Variants in EXOSC7 observed in about 807,000 individuals in gnomAD.
The protein encoded by EXOSC7 is exosome complex component RRP42.
Under a neutral mutation model 34.3 loss-of-function variants are expected in EXOSC7, and 25 were observed. The ratio of observed to expected loss-of-function variants is 0.73; its 90% CI spans 0.53 to 1.02. The LOEUF is 1.02. EXOSC7 is among the 50% of genes least tolerant of loss of function. The pLI, the probability that EXOSC7 is intolerant of heterozygous loss-of-function variation, is 0.00. For synonymous variants in EXOSC7, 130 were observed against 143.0 expected (o/e 0.91, Z 0.65); for missense variants, 370 against 368.5 (o/e 1.00, Z -0.03).
At chr3:45,002,844 A>G (rs1388991264) in intron 5 of EXOSC7, among the ~76,000 whole-genome samples, 4 of 152,136 alleles carry the variant, frequency 2.6e-5, no homozygotes, top group African/African-American at 9.7e-5. Context: ...TTGAAATGTG[A>G]GCCTGGCACT....
At chr3:45,002,073 G>A (rs1706897862) in intron 5 of EXOSC7, 1 of 153,288 alleles carries the variant, frequency 6.5e-6, no homozygotes, top group Non-Finnish European at 1.5e-5. Flanking sequence ...AGGGTAACAG[G>A]CTTCCCTTTG....
chr3:45,000,136 C>T (rs1401763980), intron 4 of EXOSC7, among the ~76,000 whole-genome samples: 2 of 152,152 alleles, frequency 1.3e-5, no homozygotes, highest in African/African-American at 4.8e-5. Flanking sequence ...CTTTATAGTT[C>T]TCTAATGGCA....
intron 1 of EXOSC7, among the ~76,000 whole-genome samples, chr3:44,983,885 G>A (rs1167624484): frequency 6.6e-6 from 1 of 152,062 alleles, no homozygotes; most frequent in Non-Finnish European, 1.5e-5. Context: ...AGTTGCCCTG[G>A]GTACAGTGAT....
chr3:45,008,427 A>G (rs576520082), intron 7 of EXOSC7, among the ~76,000 whole-genome samples: 3 of 152,356 alleles, frequency 2.0e-5, no homozygotes, highest in African/African-American at 7.2e-5. Context: ...CATGACATCT[A>G]CTTTCTCTCT....
intron 4 of EXOSC7, among the ~76,000 whole-genome samples, chr3:44,999,354 G>A (rs548518796): frequency 6.6e-6 from 1 of 152,112 alleles, no homozygotes; most frequent in Non-Finnish European, 1.5e-5. Flanking sequence ...TTGTTTTAAG[G>A]GTTTTGCTTA....
chr3:44,981,517 C>T (rs1336783887), intron 1 of EXOSC7, among the ~76,000 whole-genome samples: 3 of 152,150 alleles, frequency 2.0e-5, no homozygotes, highest in African/African-American at 4.8e-5. Context: ...AAACCATCCA[C>T]ACTAGATCCC....
intron 1 of EXOSC7, among the ~76,000 whole-genome samples, chr3:44,985,004 T>C (rs1050102539): frequency 6.6e-6 from 1 of 152,256 alleles, no homozygotes; most frequent in African/African-American, 2.4e-5. Context: ...CCATGAGTCA[T>C]GTTCCTAATG....
chr3:44,995,007 G>A (rs890377894), intron 3 of EXOSC7, among the ~76,000 whole-genome samples: 3 of 151,840 alleles, frequency 2.0e-5, no homozygotes, highest in Admixed American at 1.3e-4. Context: ...ATTTTGAGAC[G>A]GAGTTTCACT....
At position 44,976,305 on chromosome 3, in the gene EXOSC7, G is replaced by A; in HGVS notation, c.28G>A (p.Glu10Lys). 1 of 1,564,882 alleles carries A rather than the reference G, an allele frequency of 6.4e-7. No individual in the cohort carries two copies. The highest frequency in any genetic ancestry group is 8.6e-7 in the Non-Finnish European group (1 of 1,162,296). The change falls in exon 1 of 8, where the codon GAG becomes AAG. Residue 10 changes from glutamate to lysine, a missense_variant. Around this residue, in one of 3 missense-constraint regions of EXOSC7, gnomAD observed 95 missense variants for 79.8 expected, o/e 1.19. Transcript: ENST00000265564. MASVTLSEA[E>K]KVYIVHGVQE... ...GGCGTCCGTGACGCTGAGCGAGGCG[G>A]AGAAGGTGTACATCGTGCATGGCGT...
At chr3:45,010,147 A>G (rs747278291) in intron 7 of EXOSC7, among the ~76,000 whole-genome samples, 2 of 152,220 alleles carry the variant, frequency 1.3e-5, no homozygotes, top group African/African-American at 2.4e-5. Context: ...AAGACCTGAT[A>G]AGGTAGAGAT....
chr3:44,984,295 A>T (rs144932550), intron 1 of EXOSC7, among the ~76,000 whole-genome samples: 2 of 152,190 alleles, frequency 1.3e-5, no homozygotes, highest in African/African-American at 4.8e-5. Context: ...ACATAGCAAG[A>T]CCCCATCTCT....
intron 1 of EXOSC7, among the ~76,000 whole-genome samples, chr3:44,981,594 T>G (rs1576000256): frequency 6.6e-6 from 1 of 151,922 alleles, no homozygotes; most frequent in Admixed American, 6.6e-5. Flanking sequence ...TCTTTTGATT[T>G]GAAGGAATCG....
At chr3:44,989,831 A>T (rs528697286) in intron 3 of EXOSC7, among the ~76,000 whole-genome samples, 187 bp downstream of exon 3, 2 of 152,154 alleles carry the variant, frequency 1.3e-5, no homozygotes, top group Admixed American at 1.3e-4. Flanking sequence ...GTCCTGCCCT[A>T]GTCTTAACCA....
At chr3:44,997,491 C>T (rs150688157) in intron 4 of EXOSC7, among the ~76,000 whole-genome samples, 12 of 152,178 alleles carry the variant, frequency 7.9e-5, no homozygotes, top group Non-Finnish European at 1.5e-4. Context: ...CATGATAGCA[C>T]CTAAAATTGC....
intron 5 of EXOSC7, 37 bp from the exon 6 acceptor site, chr3:45,005,254 C>T: frequency 6.2e-7 from 1 of 1,611,910 alleles, no homozygotes; most frequent in Non-Finnish European, 8.5e-7. Context: ...ATTTTTCCTC[C>T]TCCAAGTGGG....
intron 1 of EXOSC7, among the ~76,000 whole-genome samples, chr3:44,986,207 C>A: frequency 4.6e-5 from 1 of 21,610 alleles, no homozygotes; most frequent in African/African-American, 2.7e-4. Context: ...ACAGGAGCAC[C>A]CATGGGTGGG....
In EXOSC7 at chr3:45,007,422, T is replaced by A. The variant is rs1042663340; in HGVS notation, c.618T>A (p.Ile206=). The A allele has an allele frequency of 6.2e-7, 1 of 1,614,102 alleles. No homozygotes were observed. The highest frequency in any genetic ancestry group is 1.3e-5 in the African/African-American group (1 of 75,064). ...NVPCIVTLCK[I]GYRHVVDATL... Reference sequence around the variant, plus strand: ...TGCCACGCACCCTGCCTTTGCAGATTGGCTATCGGCATGTGGTGGATGCTA... The same window carrying A: ...TGCCACGCACCCTGCCTTTGCAGATAGGCTATCGGCATGTGGTGGATGCTA... Residue 206 remains isoleucine (I), a splice_region_variant and synonymous_variant, in exon 7 of 8, where the codon ATT becomes ATA. Coordinates refer to ENST00000265564, the MANE Select transcript of EXOSC7 (RefSeq NM_015004.4).
At chr3:44,991,232 TC>T (rs1275261195) in intron 3 of EXOSC7, among the ~76,000 whole-genome samples, 2 of 152,134 alleles carry the variant, frequency 1.3e-5, no homozygotes, top group Non-Finnish European at 2.9e-5. Flanking sequence ...CCCATTCCTG[TC>T]CCCTACTCTG....
chr3:45,012,320 G>T (rs1355228138), downstream of EXOSC7: 2 of 152,208 alleles, frequency 1.3e-5, no homozygotes, highest in Non-Finnish European at 2.9e-5. Flanking sequence ...TCACCAAATG[G>T]AAAGAACATA....
Sources: allele counts gnomAD v4.1 joint callset (sites outside exome capture counted in the v4.1 genomes callset), GRCh38; gene constraint gnomAD v4.1.1; regional missense constraint gnomAD v4.1.1; transcripts MANE v1.5; gene names NCBI Gene and HGNC (gene_info 2026-07-23, HGNC 2026-07-21).